Variants in PDE1A observed in about 807,000 individuals in gnomAD.
PDE1A encodes dual specificity calcium/calmodulin-dependent 3',5'-cyclic nucleotide phosphodiesterase 1A.
In PDE1A, 35 loss-of-function variants were observed where a neutral mutation model predicts 61.7. The observed-to-expected ratio is 0.57, with a 90% CI of 0.43 to 0.75. The LOEUF (loss-of-function observed/expected upper bound fraction) is 0.75, where lower values mean the gene tolerates loss of function less well. PDE1A is among the 30% of genes least tolerant of loss of function. The pLI, the probability that PDE1A is intolerant of heterozygous loss-of-function variation, is 0.00. For missense variants in PDE1A, 597 were observed against 630.6 expected, an observed-to-expected ratio of 0.95 and a Z score of 0.57; for synonymous variants, 232 against 213.2, an observed-to-expected ratio of 1.09 and a Z score of -0.77.
chr2:182,697,466 G>T, the PDE1A span, among the ~76,000 whole-genome samples: 49 of 152,308 alleles, frequency 3.2e-4, no homozygotes, highest in East Asian at 9.0e-3. Context: ...TGAGGACACT[G>T]CTTCCCTGTC....
chr2:182,449,083 CACAA>C (rs1272747621), intron 2 of PDE1A, among the ~76,000 whole-genome samples: 10 of 144,530 alleles, frequency 6.9e-5, no homozygotes, highest in South Asian at 4.4e-4. Context: ...CACACACACA[CACAA>C]ACAAAACCCA....
chr2:182,442,277 T>C (rs1188995496), intron 2 of PDE1A, among the ~76,000 whole-genome samples: 2 of 151,996 alleles, frequency 1.3e-5, no homozygotes, highest in East Asian at 1.9e-4. Context: ...AGTCTATAAA[T>C]AATTGGCCTG....
At chr2:182,626,740 T>TAC in the PDE1A span, among the ~76,000 whole-genome samples, 4 of 28,646 alleles carry the variant, frequency 1.4e-4, 1 homozygote, top group Non-Finnish European at 2.1e-4. Context: ...TATATATACA[T>TAC]ATATATACAT....
chr2:182,546,065 G>C, the PDE1A span, among the ~76,000 whole-genome samples: 3 of 152,158 alleles, frequency 2.0e-5, no homozygotes, highest in Non-Finnish European at 4.4e-5. Flanking sequence ...AAAGTTATTT[G>C]AATTGGTTCT....
the PDE1A span, among the ~76,000 whole-genome samples, chr2:182,681,889 G>A: frequency 1.3e-3 from 191 of 150,806 alleles, 1 homozygote; most frequent in Non-Finnish European, 1.0e-3. Flanking sequence ...CTCGTGATCC[G>A]CTCACCTCGG....
chr2:182,263,919 C>T (rs574576318), intron 2 of PDE1A, among the ~76,000 whole-genome samples: 12 of 152,246 alleles, frequency 7.9e-5, no homozygotes, highest in Non-Finnish European at 1.2e-4. Flanking sequence ...ACCCATTTTC[C>T]TAAAGGGACT....
chr2:182,173,149 C>T (rs1363969595), intron 13 of PDE1A, among the ~76,000 whole-genome samples: 2 of 152,026 alleles, frequency 1.3e-5, no homozygotes, highest in Non-Finnish European at 2.9e-5. Flanking sequence ...TGCTCTTCCC[C>T]TACATGTCCT....
chr2:182,650,522 A>G, the PDE1A span, among the ~76,000 whole-genome samples: 2 of 152,204 alleles, frequency 1.3e-5, no homozygotes, highest in African/African-American at 4.8e-5. Context: ...GGAAATAGGG[A>G]AGAACCAGGC....
At chr2:182,437,613 A>G (rs1684519834) in intron 2 of PDE1A, among the ~76,000 whole-genome samples, 1 of 151,930 alleles carries the variant, frequency 6.6e-6, no homozygotes, top group South Asian at 2.1e-4. Context: ...TAATATTAGT[A>G]TCCTAATTTT....
intron 1 of PDE1A, among the ~76,000 whole-genome samples, chr2:182,313,324 G>T (rs546358997): frequency 6.6e-6 from 1 of 152,274 alleles, no homozygotes; most frequent in African/African-American, 2.4e-5. Flanking sequence ...TGAAGCAGGA[G>T]AATCGCTTGA....
At chr2:182,185,732 GC>G (rs1685143602) in intron 13 of PDE1A, 159 bp downstream of exon 13, 6 of 1,373,144 alleles carry the variant, frequency 4.4e-6, no homozygotes, top group Non-Finnish European at 4.9e-6. Flanking sequence ...TAATAAATGA[GC>G]CAACTTTCTC....
chr2:182,156,059 G>A (rs1412531839), intron 13 of PDE1A, among the ~76,000 whole-genome samples: 1 of 152,090 alleles, frequency 6.6e-6, no homozygotes, highest in Non-Finnish European at 1.5e-5. Flanking sequence ...CTGCCACCAT[G>A]TAAGCCATGA....
intron 13 of PDE1A, among the ~76,000 whole-genome samples, chr2:182,181,831 A>G (rs2368280): frequency 0.28 from 42,364 of 151,920 alleles, 7,068 homozygotes; most frequent in African/African-American, 0.47. Flanking sequence ...GTTGTGGTGA[A>G]TTTTGCTTAG....
chr2:182,498,045 CAAAAAAAAAAAAA>C (rs57707793), intron 2 of PDE1A, among the ~76,000 whole-genome samples: 2 of 64,318 alleles, frequency 3.1e-5, no homozygotes, highest in South Asian at 6.0e-4. Context: ...GATTGCGTCT[CAAAAAAAAAAAAA>C]AAAAAAAAAA....
At chr2:182,157,973 G>C (rs555797880) in intron 13 of PDE1A, among the ~76,000 whole-genome samples, 1 of 152,200 alleles carries the variant, frequency 6.6e-6, no homozygotes, top group Admixed American at 6.5e-5. Context: ...CTTTAACCTG[G>C]GGTGAGAAAG....
intron 1 of PDE1A, among the ~76,000 whole-genome samples, chr2:182,348,673 C>T (rs1163855517): frequency 6.6e-6 from 1 of 151,764 alleles, no homozygotes; most frequent in Non-Finnish European, 1.5e-5. Context: ...CATTCCATTT[C>T]TTTGATCCAT....
chr2:182,624,292 C>A, the PDE1A span, among the ~76,000 whole-genome samples: 3 of 152,176 alleles, frequency 2.0e-5, no homozygotes, highest in Admixed American at 6.5e-5. Context: ...GCTCAAGGCA[C>A]AGGTGGGCAC....
intron 1 of PDE1A, among the ~76,000 whole-genome samples, chr2:182,371,422 A>C (rs1274644944): frequency 6.6e-6 from 1 of 152,222 alleles, no homozygotes; most frequent in Non-Finnish European, 1.5e-5. Flanking sequence ...ATAAAAGTTT[A>C]TTGTTAACAG....
chr2:182,517,606 G>A (rs188124047), intron 2 of PDE1A, among the ~76,000 whole-genome samples: 9 of 152,308 alleles, frequency 5.9e-5, no homozygotes, highest in African/African-American at 1.4e-4. Context: ...ATTTTGTTAC[G>A]AGAAGAGAAA....
Sources: allele counts gnomAD v4.1 joint callset (sites outside exome capture counted in the v4.1 genomes callset), GRCh38; gene constraint gnomAD v4.1.1; transcripts MANE v1.5; gene names NCBI Gene and HGNC (gene_info 2026-07-23, HGNC 2026-07-21).